Variants in CUL4A observed in about 807,000 individuals in gnomAD.
The protein encoded by CUL4A is cullin 4A, also known as cullin-4A.
In CUL4A, 16 loss-of-function variants were observed where a neutral mutation model predicts 95.5. That is an observed-to-expected ratio of 0.17 (90% CI 0.11 to 0.25). The LOEUF (loss-of-function observed/expected upper bound fraction) is 0.25. CUL4A is among the 10% of genes least tolerant of loss of function. CUL4A has a pLI of 1.00. For synonymous variants in CUL4A, 380 were observed against 353.1 expected, an observed-to-expected ratio of 1.08 and a Z score of -0.85; for missense variants, 610 against 937.0, an observed-to-expected ratio of 0.65 and a Z score of 4.56.
chr13:113,212,012 G>A (rs190445176), intron 2 of CUL4A, among the ~76,000 whole-genome samples: 1 of 152,338 alleles, frequency 6.6e-6, no homozygotes, highest in East Asian at 1.9e-4. Flanking sequence ...AGCTGTGCTT[G>A]TGGGTGTGTG....
intron 3 of CUL4A, among the ~76,000 whole-genome samples, chr13:113,227,754 A>C (rs1400077142): frequency 6.6e-6 from 1 of 151,972 alleles, no homozygotes; most frequent in African/African-American, 2.4e-5. Flanking sequence ...AAATACAAAA[A>C]ATTAGCTGGG....
intron 1 of CUL4A, 27 bp from the exon 2 acceptor site, chr13:113,209,946 G>A (rs1214795978): frequency 1.4e-6 from 2 of 1,475,126 alleles, no homozygotes; most frequent in Non-Finnish European, 1.8e-6. Context: ...CGCGCCCTGA[G>A]CCGCCCGCTC....
chr13:113,231,010 C>T (rs1167951790), intron 5 of CUL4A, among the ~76,000 whole-genome samples: 6 of 152,086 alleles, frequency 3.9e-5, no homozygotes, highest in African/African-American at 7.2e-5. Flanking sequence ...TGGCCTCAAG[C>T]GATCCTCCCA....
At chr13:113,247,226 C>T (rs2139248867) in intron 15 of CUL4A, among the ~76,000 whole-genome samples, 1 of 152,280 alleles carries the variant, frequency 6.6e-6, no homozygotes, top group South Asian at 2.1e-4. Flanking sequence ...CCAGGCCCCA[C>T]CTCCAGCACT....
rs1370799311 is a variant in CUL4A at position 113,243,154 on chromosome 13, C to T, written c.1222C>T (p.Leu408=). 6.3e-7 allele frequency: 1 copy of T among 1,595,384 alleles called. No homozygotes were observed. Among genetic ancestry groups the T allele is most frequent in the Non-Finnish European group, 8.6e-7 (1 of 1,165,918 alleles). ...INKRPNKPAE[L]IAKHVDSKLR... ...CAAGAGACCCAACAAGCCTGCAGAA[C>T]TGATCGGTAGAAAAATATTTGTTTT... Residue 408 remains leucine, a synonymous_variant, in exon 11 of 20, where the codon CTG becomes TTG. Transcript: ENST00000375440.
rs751332996 is a variant in CUL4A at position 113,233,311 on chromosome 13, G to T, written c.647G>T (p.Ser216Ile). The T allele has an allele frequency of 6.2e-7, 1 of 1,613,194 alleles. No individual in the cohort carries two copies. The highest frequency in any genetic ancestry group is 1.1e-5 in the South Asian group (1 of 91,046). The change falls in exon 6 of 20, where the codon AGC becomes ATC. Residue 216 changes from serine to isoleucine, a missense_variant. This residue lies in a region of CUL4A where 97 missense variants were observed against 100.3 expected (regional missense o/e 0.97). Transcript: ENST00000375440. ...GEAVDRSLLR[S>I]LLGMLSDLQV... ...GCCGTGGACCGGAGCCTGTTGCGGA[G>T]CCTCCTGGGCATGCTGTCTGACCTG...
intron 4 of CUL4A, 116 bp downstream of exon 4, chr13:113,228,161 G>A (rs920821341): frequency 1.4e-5 from 11 of 778,986 alleles, no homozygotes; most frequent in East Asian, 1.3e-4. Flanking sequence ...TCAGTGCTGT[G>A]GTTGAACAGC....
intron 18 of CUL4A, among the ~76,000 whole-genome samples, chr13:113,258,853 C>G (rs1020142780): frequency 6.6e-6 from 1 of 152,194 alleles, no homozygotes; most frequent in African/African-American, 2.4e-5. Flanking sequence ...GCTGCAGCAT[C>G]GTTGCCAAAA....
In CUL4A at chr13:113,233,170, T is replaced by C; in HGVS notation, c.513-7T>C. The stretch of plus-strand genomic sequence containing the variant: ...AAATGTAGTCCTGTTTCTTACTGTC[T>C]ATACAGGGATATGGGATTAGAACTG... On this transcript the variant is annotated splice_region_variant and splice_polypyrimidine_tract_variant and intron_variant, in intron 5 of 19. Coordinates refer to ENST00000375440, the MANE Select transcript of CUL4A (RefSeq NM_001008895.4). 6.2e-7 allele frequency: 1 copy of C among 1,612,662 alleles called. No individual in the cohort carries two copies. The highest frequency in any genetic ancestry group is 8.5e-7 in the Non-Finnish European group (1 of 1,179,170).
chr13:113,234,399 C>T (rs548396839), intron 7 of CUL4A, among the ~76,000 whole-genome samples: 1 of 152,248 alleles, frequency 6.6e-6, no homozygotes, highest in South Asian at 2.1e-4. Context: ...ACCCAAAAAA[C>T]TTAATCACCT....
chr13:113,215,922 G>A (rs1336456179), intron 2 of CUL4A, among the ~76,000 whole-genome samples: 3 of 150,224 alleles, frequency 2.0e-5, no homozygotes, highest in South Asian at 2.1e-4. Context: ...CCATGTGGCT[G>A]TGGCGGTCTC....
chr13:113,243,217 C>T, intron 11 of CUL4A, 57 bp downstream of exon 11: 2 of 1,500,150 alleles, frequency 1.3e-6, no homozygotes. Flanking sequence ...TCACCCATTT[C>T]TAGACAATTT....
intron 4 of CUL4A, among the ~76,000 whole-genome samples, chr13:113,228,536 A>T (rs974283753): frequency 6.6e-6 from 1 of 152,002 alleles, no homozygotes; most frequent in Non-Finnish European, 1.5e-5. Context: ...TCAGTAGGAG[A>T]CGATGGGTGT....
At chr13:113,259,258 A>C (rs1012413277) in intron 18 of CUL4A, among the ~76,000 whole-genome samples, 31 of 152,350 alleles carry the variant, frequency 2.0e-4, no homozygotes, top group African/African-American at 7.2e-4. Flanking sequence ...AAGGAATAGC[A>C]GTGCAGCTGA....
chr13:113,245,671 AG>A (rs1393497260), intron 14 of CUL4A, among the ~76,000 whole-genome samples: 1 of 152,246 alleles, frequency 6.6e-6, no homozygotes, highest in Non-Finnish European at 1.5e-5. Flanking sequence ...CTATGTAAGA[AG>A]AAAATTACAC....
In CUL4A at chr13:113,260,767, T is replaced by A; in HGVS notation, c.2184+8T>A. On this transcript the variant is annotated splice_region_variant and intron_variant, in intron 19 of 19. Coordinates refer to ENST00000375440, the MANE Select transcript of CUL4A (RefSeq NM_001008895.4). ...CTGAAATTTCCAGTAAAGGTAAATG[T>A]AACATTAGCATAATTAAATTTGTAG... 6.5e-7 allele frequency: 1 copy of A among 1,539,954 alleles called. No individual in the cohort carries two copies. The highest frequency in any genetic ancestry group is 8.9e-7 in the Non-Finnish European group (1 of 1,129,884).
chr13:113,209,842 T>C, intron 1 of CUL4A, 67 bp downstream of exon 1: 1 of 1,096,188 alleles, frequency 9.1e-7, no homozygotes, highest in Non-Finnish European at 1.1e-6. Flanking sequence ...CCCGCCCGAC[T>C]TGGGGGGAAG....
chr13:113,239,585 C>A, intron 10 of CUL4A, 34 bp downstream of exon 10: 2 of 1,526,240 alleles, frequency 1.3e-6, no homozygotes, highest in Non-Finnish European at 1.8e-6. Context: ...CGGGCGTGGG[C>A]ATTCCCTGCA....
At chr13:113,221,910 C>T (rs1009381248) in intron 3 of CUL4A, among the ~76,000 whole-genome samples, 1 of 152,230 alleles carries the variant, frequency 6.6e-6, no homozygotes, top group African/African-American at 2.4e-5. Context: ...AGATAAGCTC[C>T]TGGGACCTAA....
Sources: allele counts gnomAD v4.1 joint callset (sites outside exome capture counted in the v4.1 genomes callset), GRCh38; gene constraint gnomAD v4.1.1; regional missense constraint gnomAD v4.1.1; transcripts MANE v1.5; gene names NCBI Gene and HGNC (gene_info 2026-07-23, HGNC 2026-07-21).